Variants in TCF12 observed in about 807,000 individuals in gnomAD.
TCF12 encodes transcription factor 12.
In TCF12, 45 loss-of-function variants were observed where a neutral mutation model predicts 86.0. That is an observed-to-expected ratio of 0.52 (90% CI 0.41 to 0.67). TCF12 has a LOEUF of 0.67. Among genes scored for constraint, TCF12 ranks in the 30% least tolerant of loss-of-function variants. TCF12 has a pLI of 0.00. For missense variants in TCF12, 881 were observed against 859.9 expected (o/e 1.02, Z -0.31); for synonymous variants, 330 against 299.6 (o/e 1.10, Z -1.05).
At chr15:56,921,729 A>T (rs1044910106) in intron 3 of TCF12, among the ~76,000 whole-genome samples, 2 of 152,056 alleles carry the variant, frequency 1.3e-5, no homozygotes, top group East Asian at 3.8e-4. Flanking sequence ...CTCTGGGCTG[A>T]AACTCAGTAA....
chr15:57,269,624 T>G (rs1333973807), intron 18 of TCF12, among the ~76,000 whole-genome samples: 3 of 152,118 alleles, frequency 2.0e-5, no homozygotes, highest in African/African-American at 7.2e-5. Context: ...ATTTCACCCA[T>G]TAATTGATGC....
intron 5 of TCF12, among the ~76,000 whole-genome samples, chr15:57,161,231 G>A (rs2054485817): frequency 6.6e-6 from 1 of 152,162 alleles, no homozygotes; most frequent in Non-Finnish European, 1.5e-5. Flanking sequence ...AGCATTGAAA[G>A]GTTATAACTT....
intron 3 of TCF12, among the ~76,000 whole-genome samples, chr15:57,063,070 T>C (rs2068586323): frequency 1.3e-5 from 2 of 152,244 alleles, no homozygotes; most frequent in Non-Finnish European, 2.9e-5. Flanking sequence ...TTTTGTTGGT[T>C]ATGGCACCTA....
chr15:57,106,601 T>G (rs1897995215), intron 5 of TCF12, among the ~76,000 whole-genome samples: 1 of 152,160 alleles, frequency 6.6e-6, no homozygotes, highest in African/African-American at 2.4e-5. Flanking sequence ...GCCATGTGCA[T>G]GTAAATTGCT....
intron 19 of TCF12, among the ~76,000 whole-genome samples, chr15:57,279,690 T>C (rs1188620416): frequency 2.0e-5 from 3 of 152,192 alleles, no homozygotes; most frequent in Non-Finnish European, 4.4e-5. Flanking sequence ...TTTCTCATCA[T>C]GTCTCCTAGA....
chr15:56,944,787 A>G (rs1255540562), intron 3 of TCF12, among the ~76,000 whole-genome samples: 2 of 152,178 alleles, frequency 1.3e-5, no homozygotes, highest in Non-Finnish European at 2.9e-5. Flanking sequence ...AAATAGAGAA[A>G]TATGATACAG....
chr15:57,223,839 A>G (rs12912353), intron 8 of TCF12, among the ~76,000 whole-genome samples: 59,142 of 151,140 alleles, frequency 0.39, 14,445 homozygotes, highest in Non-Finnish European at 0.54. Context: ...AGAAGAATAT[A>G]CAATTAAATT....
At chr15:57,183,630 T>C (rs1199807408) in intron 6 of TCF12, among the ~76,000 whole-genome samples, 1 of 152,136 alleles carries the variant, frequency 6.6e-6, no homozygotes. Context: ...AAAAATATCA[T>C]TCGTCTCATT....
At chr15:57,034,552 T>G (rs1288457420) in intron 3 of TCF12, among the ~76,000 whole-genome samples, 2 of 152,216 alleles carry the variant, frequency 1.3e-5, no homozygotes, top group Admixed American at 1.3e-4. Flanking sequence ...ACAATGAATT[T>G]AACATTTAAT....
chr15:57,270,079 AT>A (rs1237319067), intron 18 of TCF12, among the ~76,000 whole-genome samples: 1 of 152,104 alleles, frequency 6.6e-6, no homozygotes, highest in Non-Finnish European at 1.5e-5. Context: ...TGTTCTCTGT[AT>A]TTCCTGAATT....
chr15:57,222,849 C>G (rs2733313), intron 8 of TCF12, among the ~76,000 whole-genome samples: 2 of 80,830 alleles, frequency 2.5e-5, no homozygotes, highest in African/African-American at 9.4e-5. Flanking sequence ...CTCCATTTTT[C>G]TTAGTTTTGG....
At chr15:57,086,212 G>GATGATGATAATAATAATAATA (rs1555501430) in intron 4 of TCF12, among the ~76,000 whole-genome samples, 1 of 141,622 alleles carries the variant, frequency 7.1e-6, no homozygotes, top group Non-Finnish European at 1.5e-5. Flanking sequence ...GGATGATGAT[G>GATGATGATAATAATAATAATA]ATAATAATAA....
chr15:56,992,862 G>A (rs1236763795), intron 3 of TCF12, among the ~76,000 whole-genome samples: 2 of 152,162 alleles, frequency 1.3e-5, no homozygotes, highest in African/African-American at 4.8e-5. Flanking sequence ...GATATTTGAG[G>A]AGTTCATGTG....
intron 6 of TCF12, among the ~76,000 whole-genome samples, chr15:57,170,679 TATTATATATAATA>T (rs2055306892): frequency 8.2e-4 from 1 of 1,218 alleles, no homozygotes; most frequent in Non-Finnish European, 1.7e-3. Flanking sequence ...ATATATAATA[TATTATATATAATA>T]TATATTATAT....
At chr15:57,041,286 G>A (rs942238242) in intron 3 of TCF12, among the ~76,000 whole-genome samples, 2 of 152,250 alleles carry the variant, frequency 1.3e-5, no homozygotes, top group Middle Eastern at 3.4e-3. Flanking sequence ...CTTTTAGTAC[G>A]TTAAAATTGG....
At chr15:57,159,550 G>T (rs2054349655) in intron 5 of TCF12, among the ~76,000 whole-genome samples, 1 of 152,136 alleles carries the variant, frequency 6.6e-6, no homozygotes, top group Non-Finnish European at 1.5e-5. Flanking sequence ...GCCTATGTAA[G>T]GATTTCATAT....
chr15:57,075,835 T>TTTCTCTCTTTTCTTTC (rs1555498796), intron 4 of TCF12, among the ~76,000 whole-genome samples: 3 of 49,994 alleles, frequency 6.0e-5, no homozygotes, highest in African/African-American at 1.9e-4. Context: ...TCTCTCTCTC[T>TTTCTCTCTTTTCTTTC]TTTCTTTCTT....
intron 5 of TCF12, among the ~76,000 whole-genome samples, chr15:57,163,660 G>T (rs1596957079): frequency 6.6e-6 from 1 of 152,210 alleles, no homozygotes; most frequent in Non-Finnish European, 1.5e-5. Flanking sequence ...CTGTAATTAT[G>T]TAACTGTGCT....
In TCF12 at chr15:56,990,236, TGTGTCTGTGTGTGCGTGTGC is replaced by T. The variant is rs1179412565; in HGVS notation, c.148+69143_148+69162del. On this transcript the variant is annotated intron_variant, in intron 3 of 20. Transcript: ENST00000333725. ...TTCCAGTTAATCTTTATCGTGTGTGTGTGTCTGTGTGTGCGTGTGCGTGTGTGTGTGTGTGTGAAAGAAAA... is the reference window on the plus strand; with the variant it reads ...TTCCAGTTAATCTTTATCGTGTGTGTGTGTGTGTGTGTGTGTGAAAGAAAA... Among the ~76,000 whole-genome samples the T allele has an allele frequency of 6.6e-3, 932 of 142,234 alleles. 13 individuals are homozygous for T. The highest frequency in any genetic ancestry group is 0.021 in the African/African-American group (736 of 34,528). The allele number at this position is 142,234 out of a possible 152,430, so 93.3% of individuals were successfully genotyped here.
Sources: allele counts gnomAD v4.1 joint callset (sites outside exome capture counted in the v4.1 genomes callset), GRCh38; gene constraint gnomAD v4.1.1; transcripts MANE v1.5; gene names NCBI Gene and HGNC (gene_info 2026-07-23, HGNC 2026-07-21).